Variants in RGS7 observed in about 807,000 individuals in gnomAD.
RGS7 encodes regulator of G-protein signaling 7.
Under a neutral mutation model 81.1 loss-of-function variants are expected in RGS7, and 27 were observed. The ratio of observed to expected loss-of-function variants is 0.33; its 90% CI spans 0.25 to 0.46. The LOEUF is 0.46. Ranked by LOEUF, RGS7 falls within the 20% of genes least tolerant of loss-of-function variation. RGS7 has a pLI of 1.00. For synonymous variants in RGS7, 208 were observed against 207.7 expected (o/e 1.00, Z -0.01); for missense variants, 396 against 607.4 (o/e 0.65, Z 3.66).
chr1:241,236,465 A>C (rs2075983140), intron 2 of RGS7, among the ~76,000 whole-genome samples: 1 of 152,108 alleles, frequency 6.6e-6, no homozygotes, highest in African/African-American at 2.4e-5. Flanking sequence ...GACCCTAAGG[A>C]CTTCCGCGCA....
At chr1:241,125,986 A>G (rs1385826003) in intron 2 of RGS7, among the ~76,000 whole-genome samples, 3 of 152,174 alleles carry the variant, frequency 2.0e-5, no homozygotes, top group Admixed American at 2.0e-4. Context: ...GGTTGCCCAC[A>G]GGGAGCACAG....
intron 2 of RGS7, among the ~76,000 whole-genome samples, chr1:241,151,565 CTTTT>C (rs58097674): frequency 8.6e-6 from 1 of 116,484 alleles, no homozygotes; most frequent in Admixed American, 8.8e-5. Context: ...ATTAGGAACT[CTTTT>C]TTTTTTTTTT....
chr1:240,808,035 C>CA (rs34236519), intron 14 of RGS7, among the ~76,000 whole-genome samples: 10,035 of 65,990 alleles, frequency 0.15, 538 homozygotes, highest in African/African-American at 0.19. Context: ...AACTTCATCT[C>CA]AAAAAAAAAA....
chr1:241,302,257 TGGCTTCGGCC>T (rs2148504982), intron 2 of RGS7, among the ~76,000 whole-genome samples: 1 of 152,242 alleles, frequency 6.6e-6, no homozygotes, highest in South Asian at 2.1e-4. Flanking sequence ...CTTAAAACTT[TGGCTTCGGCC>T]GGCCGGGCGC....
intron 2 of RGS7, among the ~76,000 whole-genome samples, chr1:241,276,252 C>T (rs1291681365): frequency 2.0e-5 from 3 of 152,186 alleles, no homozygotes; most frequent in Non-Finnish European, 4.4e-5. Flanking sequence ...CTTGGGACCT[C>T]ATTCGTCCAA....
intron 3 of RGS7, among the ~76,000 whole-genome samples, chr1:240,990,404 T>A (rs971206643): frequency 3.3e-5 from 5 of 152,232 alleles, no homozygotes; most frequent in Non-Finnish European, 5.9e-5. Context: ...TTTTGTTCTA[T>A]GAACTTATTA....
chr1:240,824,452 G>C (rs1692411248), intron 10 of RGS7, among the ~76,000 whole-genome samples: 1 of 152,228 alleles, frequency 6.6e-6, no homozygotes, highest in Non-Finnish European at 1.5e-5. Context: ...GCGCTACAGA[G>C]ACGGCTCAAT....
At chr1:240,780,439 C>CAAAA (rs34568911) in intron 18 of RGS7, among the ~76,000 whole-genome samples, 2 of 40,202 alleles carry the variant, frequency 5.0e-5, no homozygotes, top group Admixed American at 3.1e-4. Flanking sequence ...GACTCTGTCT[C>CAAAA]AAAAAAAAAA....
chr1:240,800,039 A>G (rs1319489444), intron 18 of RGS7, among the ~76,000 whole-genome samples: 1 of 152,138 alleles, frequency 6.6e-6, no homozygotes, highest in African/African-American at 2.4e-5. Context: ...TTCCATTGTA[A>G]TTTCAAGAAC....
At chr1:241,005,503 C>T (rs2058638837) in intron 3 of RGS7, among the ~76,000 whole-genome samples, 1 of 152,044 alleles carries the variant, frequency 6.6e-6, no homozygotes, top group Admixed American at 6.6e-5. Context: ...TGAAATCTCA[C>T]ACTATGCACT....
intron 2 of RGS7, among the ~76,000 whole-genome samples, chr1:241,270,266 G>A (rs2148338288): frequency 6.6e-6 from 1 of 152,252 alleles, no homozygotes; most frequent in South Asian, 2.1e-4. Flanking sequence ...AGTTAGTCCA[G>A]GTGGAGTGGG....
chr1:241,211,137 T>C (rs573130789), intron 2 of RGS7, among the ~76,000 whole-genome samples: 1 of 152,152 alleles, frequency 6.6e-6, no homozygotes, highest in African/African-American at 2.4e-5. Flanking sequence ...ATACAAAAAT[T>C]AGCTGGGTGT....
At chr1:241,309,310 C>T (rs150642796) in intron 2 of RGS7, among the ~76,000 whole-genome samples, 136 of 135,716 alleles carry the variant, frequency 1.0e-3, no homozygotes, top group Non-Finnish European at 1.8e-3. Flanking sequence ...TGCTTGAACC[C>T]GGGAGGCAGA....
chr1:241,076,714 G>C (rs1381933685), intron 3 of RGS7, among the ~76,000 whole-genome samples: 2 of 152,128 alleles, frequency 1.3e-5, no homozygotes, highest in East Asian at 1.9e-4. Context: ...GTGATCACCG[G>C]TGCACCCAAT....
intron 6 of RGS7, among the ~76,000 whole-genome samples, chr1:240,878,627 T>A (rs1050894765): frequency 2.0e-5 from 3 of 151,966 alleles, no homozygotes; most frequent in East Asian, 1.9e-4. Flanking sequence ...TAGGTATATA[T>A]GAGGAAATAT....
intron 4 of RGS7, among the ~76,000 whole-genome samples, chr1:240,972,702 AAAAAAAAAC>A (rs1454940946): frequency 5.4e-5 from 2 of 37,134 alleles, no homozygotes; most frequent in Non-Finnish European, 1.5e-4. Context: ...ATAATAAAAA[AAAAAAAAAC>A]AAAAAAAAAA....
chr1:241,138,315 A>T (rs2067676172), intron 2 of RGS7, among the ~76,000 whole-genome samples: 1 of 152,204 alleles, frequency 6.6e-6, no homozygotes, highest in Non-Finnish European at 1.5e-5. Context: ...TGTCACAGTC[A>T]ACCAAAATTG....
chr1:241,172,759 C>A (rs1176810860), intron 2 of RGS7, among the ~76,000 whole-genome samples: 1 of 152,172 alleles, frequency 6.6e-6, no homozygotes, highest in Admixed American at 6.5e-5. Context: ...AGGACAAAAT[C>A]AGCAAGAAAG....
At chr1:240,873,871 C>CTT (rs368456739) in intron 6 of RGS7, among the ~76,000 whole-genome samples, 1 of 149,866 alleles carries the variant, frequency 6.7e-6, no homozygotes, top group African/African-American at 2.5e-5. Flanking sequence ...TCATGCTATT[C>CTT]TTTTTTTTTT....
Sources: gnomAD v4.1 joint callset for allele counts (sites outside exome capture counted in the v4.1 genomes callset) on GRCh38, gnomAD v4.1.1 for gene constraint, MANE v1.5 for transcripts, NCBI Gene and HGNC (gene_info 2026-07-23, HGNC 2026-07-21) for gene names.